ZNHIT3: variants seen among roughly 807,000 people sequenced by gnomAD.
ZNHIT3 encodes the protein zinc finger HIT domain-containing protein 3.
Under a neutral mutation model 19.9 loss-of-function variants are expected in ZNHIT3, and 27 were observed. That is an observed-to-expected ratio of 1.36 (90% CI 1.00 to 1.87). The LOEUF is 1.87. ZNHIT3 is among the 40% of genes most tolerant of loss of function. The pLI, the probability that ZNHIT3 is intolerant of heterozygous loss-of-function variation, is 0.00. For missense variants in ZNHIT3, 215 were observed against 185.6 expected, an observed-to-expected ratio of 1.16 and a Z score of -0.92; for synonymous variants, 81 against 65.7, an observed-to-expected ratio of 1.23 and a Z score of -1.13.
At chr17:36,498,186 T>A, downstream of ZNHIT3, 1 of 1,492,516 alleles carries the variant, frequency 6.7e-7, no homozygotes, top group Non-Finnish European at 9.1e-7. Context: ...AGCCTCAGTC[T>A]CATTCCCGCT....
downstream of ZNHIT3, among the ~76,000 whole-genome samples, chr17:36,497,333 A>G (rs2071080321): frequency 6.6e-6 from 1 of 151,698 alleles, no homozygotes; most frequent in Non-Finnish European, 1.5e-5. Flanking sequence ...AAAAAAAAAA[A>G]ACCCACAGAG....
At chr17:36,498,125 G>C (rs1385324218), downstream of ZNHIT3, 1 of 822,336 alleles carries the variant, frequency 1.2e-6, no homozygotes, top group Non-Finnish European at 1.8e-6. Flanking sequence ...AGCTGATTGG[G>C]ACATGCAGCC....
At chr17:36,487,583 C>G (rs1184768738) in intron 2 of ZNHIT3, among the ~76,000 whole-genome samples, 1 of 151,992 alleles carries the variant, frequency 6.6e-6, no homozygotes, top group Non-Finnish European at 1.5e-5. Flanking sequence ...CACCTGAGCC[C>G]AGGAGTTCGA....
downstream of ZNHIT3, among the ~76,000 whole-genome samples, chr17:36,496,626 A>G (rs989455621): frequency 3.3e-5 from 5 of 152,206 alleles, no homozygotes; most frequent in Non-Finnish European, 7.3e-5. Flanking sequence ...TCACATTCCT[A>G]TGACTGCTTA....
At position 36,486,760 on chromosome 17, in the gene ZNHIT3, C is replaced by A; in HGVS notation, c.61C>A (p.Arg21Ser). 1 of 1,613,544 alleles carries A rather than the reference C, an allele frequency of 6.2e-7. No homozygotes were observed. ...CVICLEKPKY[R>S]CPACRVPYCS... The stretch of plus-strand genomic sequence containing the variant: ...GATCTGCTTGGAGAAGCCCAAATAC[C>A]GCTGTCCAGCCTGCCGCGTGCCCTA... Residue 21 changes from arginine (R) to serine (S), a missense_variant, in exon 1 of 5, where the codon CGC (arginine) becomes AGC (serine). Physicochemically the swap from Arg to Ser is moderately radical, Grantham distance 110. Transcript: ENST00000617429.
rs780678715 is a variant in ZNHIT3, at chr17:36,495,185, T to G, written c.287-38T>G. 3 of 1,535,482 alleles carry G rather than the reference T, an allele frequency of 2.0e-6. No individual in the cohort carries two copies. The Admixed American group carries it at 6.7e-5, about 34-fold the overall frequency. ...TTCAGCCATCTCCATGTGTTTCCAC[T>G]TGAACTCAGACTGGCTTTTTTTCTT... On this transcript the variant is annotated intron_variant, in intron 4 of 4. Transcript: ENST00000617429.
chr17:36,487,916 C>T (rs914266645), intron 2 of ZNHIT3, among the ~76,000 whole-genome samples: 2 of 151,850 alleles, frequency 1.3e-5, no homozygotes, highest in African/African-American at 4.8e-5. Context: ...CCAGCCTGGG[C>T]AACATAGCGA....
Position 36,495,245 on chromosome 17 carries a change from C to A in ZNHIT3, c.309C>A (p.Ser103Arg). 6.3e-7 allele frequency: 1 copy of A among 1,586,576 alleles called. No individual in the cohort carries two copies. Residue 103 changes from serine (S) to arginine (R), a missense_variant, in exon 5 of 5, where the codon AGC (serine) becomes AGA (arginine). Coordinates refer to ENST00000617429, the MANE Select transcript of ZNHIT3 (RefSeq NM_004773.4). ...TAGGGGAATCTGCAACATTAAGAAG[C>A]TTATTGCTCAATCCACACCTCAGGC... The part of the protein sequence containing the change: ...KNLGESATLR[S>R]LLLNPHLRQL...
At chr17:36,498,446 T>C, downstream of ZNHIT3, 1 of 1,613,986 alleles carries the variant, frequency 6.2e-7, no homozygotes, top group Non-Finnish European at 8.5e-7. Context: ...GGCGGATTAT[T>C]GCCTCCAGGA....
intron 2 of ZNHIT3, chr17:36,489,674 G>C (rs1599146119): frequency 2.0e-5 from 3 of 151,746 alleles, no homozygotes; most frequent in South Asian, 4.2e-4. Flanking sequence ...TGTCGCCCGG[G>C]CTGGAGTACA....
At chr17:36,498,709 T>C, downstream of ZNHIT3, 1 of 824,514 alleles carries the variant, frequency 1.2e-6, no homozygotes, top group Non-Finnish European at 1.8e-6. Flanking sequence ...ACCAAACTGG[T>C]TCCATATGCC....
At chr17:36,493,726 T>C (rs1567716694) in intron 3 of ZNHIT3, among the ~76,000 whole-genome samples, 200 bp from the exon 4 acceptor site, 1 of 152,246 alleles carries the variant, frequency 6.6e-6, no homozygotes, top group Non-Finnish European at 1.5e-5. Flanking sequence ...ATTCTTTCAC[T>C]TAGCCTCCCT....
intron 2 of ZNHIT3, chr17:36,490,794 T>C (rs1239070584): frequency 1.3e-5 from 2 of 152,232 alleles, no homozygotes; most frequent in East Asian, 3.8e-4. Context: ...CAGAAATTTC[T>C]AATAGCCACA....
chr17:36,486,816 G>A (rs773074626), intron 1 of ZNHIT3, 31 bp downstream of exon 1: 1 of 1,606,418 alleles, frequency 6.2e-7, no homozygotes, highest in Non-Finnish European at 8.5e-7. Flanking sequence ...GTCCAGGGGC[G>A]CGGGTGTCCG....
At chr17:36,497,456 C>A, downstream of ZNHIT3, 1 of 829,094 alleles carries the variant, frequency 1.2e-6, no homozygotes, top group Non-Finnish European at 1.5e-6. Context: ...AGGTAACAAA[C>A]TCCTCACAAC....
chr17:36,486,768 AG>A lies in ZNHIT3; in HGVS notation c.70del (p.Ala24ProfsTer9), dbSNP rs1380677570. On this transcript the variant is annotated frameshift_variant, in exon 1 of 5. Transcript: ENST00000617429. LOFTEE classifies it high-confidence loss of function. ...TGGAGAAGCCCAAATACCGCTGTCC[AG>A]CCTGCCGCGTGCCCTAGTGAGCGGG... ...CLEKPKYRCP[A>X]CRVPYCSVVC... 6.2e-7 allele frequency: 1 copy of A among 1,612,124 alleles called. No individual in the cohort carries two copies. The highest frequency in any genetic ancestry group is 1.7e-5 in the Admixed American group (1 of 59,904).
Position 36,493,921 on chromosome 17 carries a change from C to G in ZNHIT3, c.206-5C>G, listed in dbSNP as rs777633039. ...ATGAGCCATTGACTGTTTTGTATTC[C>G]TTAGATGATGATGACTCTATAGCTG... On this transcript the variant is annotated splice_region_variant and splice_polypyrimidine_tract_variant and intron_variant, in intron 3 of 4. Coordinates refer to ENST00000617429, the MANE Select transcript of ZNHIT3 (RefSeq NM_004773.4). The G allele has an allele frequency of 1.2e-6, 2 of 1,609,282 alleles. No individual in the cohort carries two copies. Among genetic ancestry groups the G allele is most frequent in the African/African-American group, 1.3e-5 (1 of 74,900 alleles).
chr17:36,492,691 GCAC>G (rs2070754491), intron 2 of ZNHIT3, 119 bp from the exon 3 acceptor site: 2 of 791,784 alleles, frequency 2.5e-6, no homozygotes, highest in Non-Finnish European at 4.2e-6. Flanking sequence ...ACATTCCTGG[GCAC>G]CCACCCACAT....
At chr17:36,491,395 G>T in intron 2 of ZNHIT3, 1 of 151,766 alleles carries the variant, frequency 6.6e-6, no homozygotes, top group South Asian at 2.1e-4. Flanking sequence ...GCAGTGGTGT[G>T]ATCACAGCTC....
Sources: gnomAD v4.1 joint callset for allele counts (sites outside exome capture counted in the v4.1 genomes callset) on GRCh38, gnomAD v4.1.1 for gene constraint, MANE v1.5 for transcripts, NCBI Gene and HGNC (gene_info 2026-07-23, HGNC 2026-07-21) for gene names.